The following PUM2 variants were observed in gnomAD, a reference collection of about 807,000 sequenced individuals.
PUM2 encodes pumilio homolog 2.
Under a neutral mutation model 124.5 loss-of-function variants are expected in PUM2, and 57 were observed. The ratio of observed to expected loss-of-function variants is 0.46; its 90% CI spans 0.37 to 0.57. The LOEUF (loss-of-function observed/expected upper bound fraction) is 0.57. Ranked by LOEUF, PUM2 falls within the 20% of genes least tolerant of loss-of-function variation. PUM2 has a pLI of 0.00. For synonymous variants in PUM2, 460 were observed against 446.1 expected, an observed-to-expected ratio of 1.03 and a Z score of -0.39; for missense variants, 1,065 against 1,290.6, an observed-to-expected ratio of 0.83 and a Z score of 2.68.
At chr2:20,281,233 T>C (rs577771641) in intron 12 of PUM2, among the ~76,000 whole-genome samples, 9 of 152,216 alleles carry the variant, frequency 5.9e-5, no homozygotes, top group South Asian at 2.1e-4. Flanking sequence ...CTCTTACAGA[T>C]TGGAGTCAGA....
intron 16 of PUM2, 59 bp downstream of exon 16, chr2:20,258,182 CAT>C (rs909346129): frequency 1.0e-4 from 143 of 1,398,596 alleles, no homozygotes; most frequent in African/African-American, 3.1e-4. Flanking sequence ...AGATTAAAAA[CAT>C]GTAATAATTT....
At chr2:20,329,165 C>A (rs1010731855) in intron 1 of PUM2, among the ~76,000 whole-genome samples, 1 of 142,948 alleles carries the variant, frequency 7.0e-6, no homozygotes, top group Non-Finnish European at 1.5e-5. Context: ...CAGAGCAAGA[C>A]CCTGTCTCCA....
chr2:20,311,612 T>C lies in PUM2; in HGVS notation c.400A>G (p.Lys134Glu). The C allele has an allele frequency of 6.2e-7, 1 of 1,613,590 alleles. No homozygotes were observed. Among genetic ancestry groups the C allele is most frequent in the Non-Finnish European group, 8.5e-7 (1 of 1,179,682 alleles). The change falls in exon 5 of 21, where the codon AAG becomes GAG. Residue 134 changes from lysine to glutamate, a missense_variant. Physicochemically the swap from Lys to Glu is moderately conservative, Grantham distance 56. Around this residue, in one of 3 missense-constraint regions of PUM2, gnomAD observed 968 missense variants for 1,159.8 expected, o/e 0.83. Coordinates refer to ENST00000361078, the MANE Select transcript of PUM2 (RefSeq NM_015317.5). The part of the protein sequence containing the change: ...DGPEKGDQKG[K>E]ASPFEEDQNR... ...TGGTCCTCCTCAAATGGAGAAGCCTTGCCTTTTTGATCTCCTTTCTCAGGT... is the reference window on the plus strand; with the variant it reads ...TGGTCCTCCTCAAATGGAGAAGCCTCGCCTTTTTGATCTCCTTTCTCAGGT...
intron 1 of PUM2, among the ~76,000 whole-genome samples, chr2:20,336,748 C>CTGTGTGTGTGTGTG (rs70939037): frequency 3.0e-4 from 29 of 97,496 alleles, no homozygotes; most frequent in African/African-American, 1.0e-3. Flanking sequence ...CCAGGCTGAT[C>CTGTGTGTGTGTGTG]TGTGTGTGTG....
chr2:20,350,018 C>A (rs1390068764), intron 1 of PUM2, among the ~76,000 whole-genome samples: 5 of 152,226 alleles, frequency 3.3e-5, no homozygotes, highest in Non-Finnish European at 7.3e-5. Flanking sequence ...AGCCGCTAAT[C>A]TTGTCTTTGG....
In PUM2 at chr2:20,350,722, C is replaced by T; in HGVS notation, c.-144G>A. The T allele has an allele frequency of 1.0e-6, 1 of 972,012 alleles. No homozygotes were observed. Among genetic ancestry groups the T allele is most frequent in the Non-Finnish European group, 1.2e-6 (1 of 822,072 alleles). The allele number at this position is 972,012 out of a possible 1,614,324, so 60.2% of individuals were successfully genotyped here. A position where few individuals can be genotyped will look rare whatever the true frequency, so the allele number is the denominator to read the frequency against. ...GGCAATGTCTTCTTTCTCCACCTACCACCCTCCCCCCCCACCCCACCTCCT... is the reference window on the plus strand; with the variant it reads ...GGCAATGTCTTCTTTCTCCACCTACTACCCTCCCCCCCCACCCCACCTCCT... On this transcript the variant is annotated 5_prime_UTR_variant, in exon 1 of 21. Transcript: ENST00000361078.
At chr2:20,272,615 T>C (rs561814325) in intron 13 of PUM2, among the ~76,000 whole-genome samples, 1 of 152,364 alleles carries the variant, frequency 6.6e-6, no homozygotes, top group Middle Eastern at 3.4e-3. Context: ...GTTTTCTAAC[T>C]TTGCTTTTCA....
At chr2:20,328,384 A>T (rs1305124794) in intron 1 of PUM2, among the ~76,000 whole-genome samples, 1 of 152,208 alleles carries the variant, frequency 6.6e-6, no homozygotes, top group Non-Finnish European at 1.5e-5. Context: ...CGCCAAAGAA[A>T]CAACAGAATC....
chr2:20,281,080 C>T (rs1429866371), intron 12 of PUM2, among the ~76,000 whole-genome samples: 1 of 152,036 alleles, frequency 6.6e-6, no homozygotes, highest in Admixed American at 6.6e-5. Flanking sequence ...TGTGAAAAGG[C>T]AGTGTGCAAA....
intron 1 of PUM2, among the ~76,000 whole-genome samples, chr2:20,335,694 A>G (rs1685852404): frequency 6.6e-6 from 1 of 152,252 alleles, no homozygotes; most frequent in African/African-American, 2.4e-5. Context: ...TGACTCAATT[A>G]TAATAAGGAA....
At chr2:20,282,814 A>C (rs1277847383) in intron 12 of PUM2, 133 bp downstream of exon 12, 2 of 1,058,914 alleles carry the variant, frequency 1.9e-6, no homozygotes, top group Non-Finnish European at 2.6e-6. Flanking sequence ...TTTTCCTACA[A>C]ATTAAACCAG....
At chr2:20,271,002 A>G (rs1668890637) in intron 13 of PUM2, among the ~76,000 whole-genome samples, 1 of 152,200 alleles carries the variant, frequency 6.6e-6, no homozygotes, top group African/African-American at 2.4e-5. Flanking sequence ...ATAAAGTGAA[A>G]TAAGACAAGA....
At chr2:20,281,234 T>G (rs1445663153) in intron 12 of PUM2, among the ~76,000 whole-genome samples, 1 of 152,114 alleles carries the variant, frequency 6.6e-6, no homozygotes, top group Non-Finnish European at 1.5e-5. Flanking sequence ...TCTTACAGAT[T>G]GGAGTCAGAA....
intron 7 of PUM2, among the ~76,000 whole-genome samples, chr2:20,305,236 G>A (rs1677930197): frequency 6.6e-6 from 1 of 152,060 alleles, no homozygotes; most frequent in Non-Finnish European, 1.5e-5. Flanking sequence ...TATAATCCCA[G>A]CACTTTGGGA....
At chr2:20,327,467 A>G in intron 1 of PUM2, 89 bp from the exon 2 acceptor site, 1 of 784,494 alleles carries the variant, frequency 1.3e-6, no homozygotes, top group Non-Finnish European at 2.0e-6. Context: ...TGCTATGACT[A>G]ATATTAGCAT....
intron 20 of PUM2, among the ~76,000 whole-genome samples, chr2:20,253,482 T>G (rs1009246744): frequency 6.6e-6 from 1 of 151,830 alleles, no homozygotes; most frequent in Non-Finnish European, 1.5e-5. Context: ...GACTAAAGGG[T>G]TGCACCATGA....
chr2:20,301,856 G>A (rs1161285669), intron 7 of PUM2, among the ~76,000 whole-genome samples: 1 of 152,168 alleles, frequency 6.6e-6, no homozygotes, highest in Non-Finnish European at 1.5e-5. Context: ...TGGGATTACA[G>A]GCGTGAGCCA....
chr2:20,334,923 T>C (rs1051080870), intron 1 of PUM2, among the ~76,000 whole-genome samples: 3 of 152,182 alleles, frequency 2.0e-5, no homozygotes, highest in African/African-American at 4.8e-5. Context: ...TCTTAGGACA[T>C]ATTCTCCGTA....
chr2:20,257,351 C>A (rs189805764), intron 16 of PUM2, among the ~76,000 whole-genome samples: 30 of 152,174 alleles, frequency 2.0e-4, no homozygotes, highest in African/African-American at 7.2e-4. Context: ...ATATAGTCAT[C>A]CATCCATATA....
Sources: gnomAD v4.1 joint callset for allele counts (sites outside exome capture counted in the v4.1 genomes callset) on GRCh38, gnomAD v4.1.1 for gene constraint, gnomAD v4.1.1 regional missense constraint, MANE v1.5 for transcripts, NCBI Gene and HGNC (gene_info 2026-07-23, HGNC 2026-07-21) for gene names.